The following VPS13B variants were observed in gnomAD, a reference collection of about 807,000 sequenced individuals.
VPS13B encodes the protein vacuolar protein sorting 13 homolog B, also known as intermembrane lipid transfer protein VPS13B.
In VPS13B, 285 loss-of-function variants were observed where a neutral mutation model predicts 426.4. The observed-to-expected ratio is 0.67, with a 90% CI of 0.61 to 0.74. The LOEUF (loss-of-function observed/expected upper bound fraction) is 0.74, where lower values mean the gene tolerates loss of function less well. Ranked by LOEUF, VPS13B falls within the 30% of genes least tolerant of loss-of-function variation. The pLI, the probability that VPS13B is intolerant of heterozygous loss-of-function variation, is 0.00. For synonymous variants in VPS13B, 1,676 were observed against 1,676.4 expected (o/e 1.00, Z 0.01); for missense variants, 4,537 against 4,782.6 (o/e 0.95, Z 1.51).
At chr8:99,335,113 C>A (rs1349239701) in intron 19 of VPS13B, among the ~76,000 whole-genome samples, 4 of 152,082 alleles carry the variant, frequency 2.6e-5, no homozygotes, top group African/African-American at 7.2e-5. Context: ...GGAATTTATC[C>A]ATTTCTTCTA....
chr8:99,190,172 C>G (rs1051447413), intron 16 of VPS13B, among the ~76,000 whole-genome samples: 1 of 152,012 alleles, frequency 6.6e-6, no homozygotes, highest in Non-Finnish European at 1.5e-5. Flanking sequence ...TCTCTATATC[C>G]ATGGTAATAG....
intron 30 of VPS13B, among the ~76,000 whole-genome samples, chr8:99,546,784 CAT>C (rs1475949847): frequency 6.6e-6 from 1 of 151,750 alleles, no homozygotes; most frequent in African/African-American, 2.4e-5. Flanking sequence ...TAATTAGAGA[CAT>C]AGTAATAAAA....
At chr8:99,658,913 T>C (rs935126406) in intron 34 of VPS13B, among the ~76,000 whole-genome samples, 2 of 152,244 alleles carry the variant, frequency 1.3e-5, no homozygotes, top group Middle Eastern at 6.8e-3. Flanking sequence ...CCTCCCAGGC[T>C]CAGGTGATCC....
At position 99,254,153 on chromosome 8, in the gene VPS13B, C is replaced by G. The variant is rs1817637884; in HGVS notation, c.2516-20045C>G. On this transcript the variant is annotated intron_variant, in intron 17 of 61. Transcript: ENST00000357162. ...TGTATTCTCCCTTCTCTCCTGATAT[C>G]CCAAAAATCCTTATTTTATTCTTAA... Among the ~76,000 whole-genome samples the G allele has an allele frequency of 6.6e-5, 10 of 152,232 alleles. 1 individual carries two copies. In the South Asian group the frequency reaches 2.1e-3, roughly 32 times the overall value.
Position 99,642,073 on chromosome 8 carries a change from G to T in VPS13B, c.5483G>T (p.Cys1828Phe). 1 of 1,614,066 alleles carries T rather than the reference G, an allele frequency of 6.2e-7. No individual in the cohort carries two copies. Among genetic ancestry groups the T allele is most frequent in the Non-Finnish European group, 8.5e-7 (1 of 1,180,000 alleles). Reference protein sequence around the residue: ...ASRISLMTYSCMALSKSKSQE... With the variant: ...ASRISLMTYSFMALSKSKSQE... ...AGAATCTCACTAATGACCTATTCCT[G>T]TATGGCCTTATCCAAATCGAAATCA... is the stretch of plus-strand genomic sequence containing the variant. The change falls in exon 34 of 62, where the codon TGT becomes TTT. Residue 1828 changes from cysteine to phenylalanine, a missense_variant. Coordinates refer to ENST00000357162, the MANE Select transcript of VPS13B (RefSeq NM_152564.5).
intron 30 of VPS13B, among the ~76,000 whole-genome samples, chr8:99,525,143 T>G (rs143909700): frequency 1.2e-3 from 183 of 152,266 alleles, no homozygotes; most frequent in South Asian, 2.5e-3. Context: ...CTCAGAATAT[T>G]ATAATACTAT....
chr8:99,321,491 A>T (rs1400112232), intron 19 of VPS13B, among the ~76,000 whole-genome samples: 2 of 152,094 alleles, frequency 1.3e-5, no homozygotes, highest in Admixed American at 1.3e-4. Flanking sequence ...TACAGGCATG[A>T]GCCGTCGTGC....
chr8:99,595,968 A>C (rs1410456274), intron 33 of VPS13B, among the ~76,000 whole-genome samples: 1 of 151,928 alleles, frequency 6.6e-6, no homozygotes, highest in Non-Finnish European at 1.5e-5. Flanking sequence ...AAAACACCAC[A>C]CTGACTAGGA....
intron 21 of VPS13B, among the ~76,000 whole-genome samples, chr8:99,408,064 G>A (rs1563713055): frequency 6.6e-6 from 1 of 152,132 alleles, no homozygotes; most frequent in Non-Finnish European, 1.5e-5. Context: ...ACTGGGAAGA[G>A]GGATGTAAGA....
intron 24 of VPS13B, among the ~76,000 whole-genome samples, chr8:99,476,530 A>G (rs994599012): frequency 2.0e-5 from 3 of 152,064 alleles, no homozygotes; most frequent in Admixed American, 1.3e-4. Context: ...TCATAATCCA[A>G]CTATTGAAAG....
At chr8:99,242,628 A>C (rs995748109) in intron 17 of VPS13B, among the ~76,000 whole-genome samples, 1 of 152,162 alleles carries the variant, frequency 6.6e-6, no homozygotes, top group Admixed American at 6.5e-5. Context: ...TCTGAAACAC[A>C]CTGAATTTGT....
intron 35 of VPS13B, among the ~76,000 whole-genome samples, chr8:99,693,866 A>G (rs1265447543): frequency 2.7e-5 from 4 of 148,920 alleles, no homozygotes; most frequent in Non-Finnish European, 4.4e-5. Context: ...TACAAAATGA[A>G]TGTACAAAAA....
intron 30 of VPS13B, among the ~76,000 whole-genome samples, chr8:99,551,857 T>C (rs1281791136): frequency 6.6e-6 from 1 of 152,030 alleles, no homozygotes. Flanking sequence ...ACCAATGTCT[T>C]CCTTATGATT....
At chr8:99,344,035 G>T (rs188483566) in intron 19 of VPS13B, among the ~76,000 whole-genome samples, 2 of 152,146 alleles carry the variant, frequency 1.3e-5, no homozygotes, top group African/African-American at 4.8e-5. Context: ...ACAAAATGAC[G>T]ATATCCAACT....
chr8:99,858,755 G>T (rs1816682600), intron 56 of VPS13B, among the ~76,000 whole-genome samples: 1 of 152,142 alleles, frequency 6.6e-6, no homozygotes. Flanking sequence ...CAAGACATTT[G>T]TCTGGGTCTA....
chr8:99,652,303 T>C (rs2129661059), intron 34 of VPS13B, among the ~76,000 whole-genome samples: 1 of 152,268 alleles, frequency 6.6e-6, no homozygotes, highest in Admixed American at 6.5e-5. Flanking sequence ...TTGTCTATGA[T>C]ATGAGAATAA....
chr8:99,245,743 C>G (rs1333761089), intron 17 of VPS13B, among the ~76,000 whole-genome samples: 1 of 152,128 alleles, frequency 6.6e-6, no homozygotes, highest in African/African-American at 2.4e-5. Flanking sequence ...AGGGTTTTGC[C>G]ATGTTGGCCA....
At chr8:99,710,208 G>A (rs1412208180) in intron 36 of VPS13B, among the ~76,000 whole-genome samples, 1 of 151,796 alleles carries the variant, frequency 6.6e-6, no homozygotes, top group Non-Finnish European at 1.5e-5. Flanking sequence ...TGTCTTATTT[G>A]TTATAAACAC....
intron 35 of VPS13B, among the ~76,000 whole-genome samples, chr8:99,667,396 GAAAGATGA>G (rs1830531258): frequency 6.6e-6 from 1 of 152,180 alleles, no homozygotes; most frequent in Admixed American, 6.5e-5. Context: ...TAATGATAAA[GAAAGATGA>G]ATGGTTTTTA....
Sources: gnomAD v4.1 joint callset for allele counts (sites outside exome capture counted in the v4.1 genomes callset) on GRCh38, gnomAD v4.1.1 for gene constraint, MANE v1.5 for transcripts, NCBI Gene and HGNC (gene_info 2026-07-23, HGNC 2026-07-21) for gene names.